HTR2A: variants seen among roughly 807,000 people sequenced by gnomAD.
HTR2A encodes 5-HT2 receptor.
In HTR2A, 14 loss-of-function variants were observed where a neutral mutation model predicts 31.0. That is an observed-to-expected ratio of 0.45 (90% CI 0.30 to 0.71). The LOEUF (loss-of-function observed/expected upper bound fraction) is 0.71. Ranked by LOEUF, HTR2A falls within the 30% of genes least tolerant of loss-of-function variation. The pLI is 0.09. For synonymous variants in HTR2A, 209 were observed against 225.2 expected, an observed-to-expected ratio of 0.93 and a Z score of 0.64; for missense variants, 442 against 573.3, an observed-to-expected ratio of 0.77 and a Z score of 2.34.
upstream of HTR2A, among the ~76,000 whole-genome samples, chr13:46,897,654 G>A (rs1951114394): frequency 6.6e-6 from 1 of 152,150 alleles, no homozygotes; most frequent in African/African-American, 2.4e-5. Flanking sequence ...GTTTCTAAAG[G>A]AGGCAGTTCG....
At chr13:46,850,660 C>A (rs557902169) in intron 3 of HTR2A, among the ~76,000 whole-genome samples, 82 of 152,244 alleles carry the variant, frequency 5.4e-4, no homozygotes, top group Middle Eastern at 6.8e-3. Context: ...ATGCAGTGTC[C>A]TACCTATGAA....
chr13:46,866,499 G>A (rs953551112), intron 3 of HTR2A, among the ~76,000 whole-genome samples: 1 of 152,214 alleles, frequency 6.6e-6, no homozygotes, highest in Non-Finnish European at 1.5e-5. Context: ...ACAAGACCTG[G>A]CTTTGAGTCC....
At chr13:46,847,486 T>C (rs1435483753) in intron 3 of HTR2A, among the ~76,000 whole-genome samples, 1 of 152,230 alleles carries the variant, frequency 6.6e-6, no homozygotes, top group Non-Finnish European at 1.5e-5. Flanking sequence ...CTTGGTAAAC[T>C]GGATAGTGCC....
At position 46,892,605 on chromosome 13, in the gene HTR2A, G is replaced by A. The variant is rs1280260433; in HGVS notation, c.413-15C>T. On this transcript the variant is annotated splice_polypyrimidine_tract_variant and intron_variant, in intron 2 of 3. Coordinates refer to ENST00000542664, the MANE Select transcript of HTR2A (RefSeq NM_000621.5). ...CCACCGGTACCCTATGAGGCAGAAGGTTGGTGTCAGTGAGCAACCCTGTGC... is the reference window on the plus strand; with the variant it reads ...CCACCGGTACCCTATGAGGCAGAAGATTGGTGTCAGTGAGCAACCCTGTGC... The A allele has an allele frequency of 6.2e-7, 1 of 1,612,572 alleles. No homozygotes were observed. Among genetic ancestry groups the A allele is most frequent in the African/African-American group, 1.3e-5 (1 of 74,898 alleles).
At chr13:46,857,230 C>T (rs543840465) in intron 3 of HTR2A, among the ~76,000 whole-genome samples, 3 of 150,048 alleles carry the variant, frequency 2.0e-5, no homozygotes, top group African/African-American at 4.9e-5. Flanking sequence ...ACCTGAGAGG[C>T]GGAGGTTTCA....
intron 3 of HTR2A, among the ~76,000 whole-genome samples, chr13:46,888,127 A>T (rs1232575906): frequency 1.3e-5 from 2 of 152,020 alleles, no homozygotes; most frequent in Non-Finnish European, 2.9e-5. Flanking sequence ...TAAAGAACTT[A>T]GGTAAAAGGT....
intron 3 of HTR2A, among the ~76,000 whole-genome samples, chr13:46,876,854 T>A (rs908685301): frequency 6.6e-6 from 1 of 152,206 alleles, no homozygotes; most frequent in Non-Finnish European, 1.5e-5. Context: ...CTTACTAACT[T>A]TGCATTGCCA....
chr13:46,897,399 G>C (rs1951113122), upstream of HTR2A, among the ~76,000 whole-genome samples: 1 of 152,134 alleles, frequency 6.6e-6, no homozygotes, highest in South Asian at 2.1e-4. Context: ...TACTGACATT[G>C]GCCACATAGG....
chr13:46,835,971 T>C (rs930029461), intron 3 of HTR2A, among the ~76,000 whole-genome samples: 2 of 152,010 alleles, frequency 1.3e-5, no homozygotes, highest in Non-Finnish European at 2.9e-5. Flanking sequence ...CTAAAAATTG[T>C]CCAATAACGT....
intron 3 of HTR2A, among the ~76,000 whole-genome samples, chr13:46,874,361 G>A (rs1277612279): frequency 1.3e-5 from 2 of 152,150 alleles, no homozygotes; most frequent in African/African-American, 2.4e-5. Flanking sequence ...TTTGCTATCA[G>A]GGAAAAACCA....
intron 3 of HTR2A, among the ~76,000 whole-genome samples, chr13:46,889,320 T>C (rs73175529): frequency 0.048 from 7,267 of 152,176 alleles, 187 homozygotes; most frequent in Middle Eastern, 0.082. Flanking sequence ...CCCATGAAGG[T>C]ATAGAAAATG....
At chr13:46,852,492 C>T (rs1221101721) in intron 3 of HTR2A, among the ~76,000 whole-genome samples, 2 of 152,252 alleles carry the variant, frequency 1.3e-5, no homozygotes, top group Non-Finnish European at 2.9e-5. Flanking sequence ...TTTGGAGTGG[C>T]ATTCGCTACA....
chr13:46,888,482 A>AT (rs397725117), intron 3 of HTR2A, among the ~76,000 whole-genome samples: 1 of 150,786 alleles, frequency 6.6e-6, no homozygotes, highest in African/African-American at 2.4e-5. Flanking sequence ...AAAAAAAAAA[A>AT]GATGACTGTC....
At chr13:46,852,565 T>C (rs1950695205) in intron 3 of HTR2A, among the ~76,000 whole-genome samples, 1 of 152,256 alleles carries the variant, frequency 6.6e-6, no homozygotes, top group Non-Finnish European at 1.5e-5. Context: ...TGTGTTAACT[T>C]CTAAGCTTTC....
chr13:46,872,391 G>A (rs779339448), intron 3 of HTR2A, among the ~76,000 whole-genome samples: 8 of 152,144 alleles, frequency 5.3e-5, no homozygotes, highest in Admixed American at 1.3e-4. Context: ...TGTGCAAAAA[G>A]GATATATGAA....
intron 3 of HTR2A, among the ~76,000 whole-genome samples, chr13:46,886,553 T>C (rs1301476345): frequency 3.3e-5 from 5 of 151,756 alleles, no homozygotes; most frequent in Non-Finnish European, 5.9e-5. Flanking sequence ...AATGAAAAGG[T>C]GAGAAAATAG....
chr13:46,892,318 A>G (rs1411357350), intron 3 of HTR2A, 72 bp downstream of exon 3: 4 of 1,444,138 alleles, frequency 2.8e-6, no homozygotes, highest in Non-Finnish European at 2.9e-6. Flanking sequence ...CAGTACAACA[A>G]AATGGAACAA....
intron 3 of HTR2A, among the ~76,000 whole-genome samples, chr13:46,848,742 A>C (rs1000280037): frequency 2.0e-5 from 3 of 152,232 alleles, no homozygotes; most frequent in African/African-American, 7.2e-5. Flanking sequence ...TCTGGACCTT[A>C]TGAACCCTAA....
In HTR2A at chr13:46,895,438, C is replaced by T. The variant is rs1951093378; in HGVS notation, c.412+57G>A. 6.6e-7 allele frequency: 1 copy of T among 1,520,778 alleles called. No homozygotes were observed. The highest frequency in any genetic ancestry group is 9.0e-7 in the Non-Finnish European group (1 of 1,116,860). The allele number at this position is 1,520,778 out of a possible 1,614,324, so 94.2% of individuals were successfully genotyped here. A position where few individuals can be genotyped will look rare whatever the true frequency, so the allele number is the denominator to read the frequency against. Reference sequence around the variant, plus strand: ...TGAGCCCCATCTCATCTGCTGGTGGCATGCACATGCTCTTTATTACCAGTG... The same window carrying T: ...TGAGCCCCATCTCATCTGCTGGTGGTATGCACATGCTCTTTATTACCAGTG... On this transcript the variant is annotated intron_variant, in intron 2 of 3. Coordinates refer to ENST00000542664, the MANE Select transcript of HTR2A (RefSeq NM_000621.5). The surrounding 1 kb of genome is among the most constrained non-coding windows in gnomAD (Gnocchi z 4.4).
Sources: allele counts gnomAD v4.1 joint callset (sites outside exome capture counted in the v4.1 genomes callset), GRCh38; gene constraint gnomAD v4.1.1; non-coding constraint Gnocchi (gnomAD v3.1); transcripts MANE v1.5; gene names NCBI Gene and HGNC (gene_info 2026-07-23, HGNC 2026-07-21).